Variants in DPP6 observed in about 807,000 individuals in gnomAD.
The protein encoded by DPP6 is dipeptidyl peptidase like 6, also known as A-type potassium channel modulatory protein DPP6.
Under a neutral mutation model 122.6 loss-of-function variants are expected in DPP6, and 69 were observed. The observed-to-expected ratio is 0.56, with a 90% confidence interval of 0.46 to 0.69. DPP6 has a LOEUF of 0.69. Ranked by LOEUF, DPP6 falls within the 30% of genes least tolerant of loss-of-function variation. DPP6 has a pLI of 0.00. For missense variants in DPP6, 928 were observed against 1,116.9 expected (o/e 0.83, Z 2.41); for synonymous variants, 418 against 433.1 (o/e 0.97, Z 0.43).
intron 1 of DPP6, among the ~76,000 whole-genome samples, chr7:153,892,973 AGGCAT>A (rs1348762233): frequency 7.9e-5 from 12 of 152,194 alleles, no homozygotes; most frequent in Non-Finnish European, 1.6e-4. Flanking sequence ...AACAGTAGCT[AGGCAT>A]GGGTCTGTTT....
At chr7:154,060,234 G>A (rs1801521830) in intron 1 of DPP6, among the ~76,000 whole-genome samples, 1 of 139,802 alleles carries the variant, frequency 7.2e-6, no homozygotes, top group Non-Finnish European at 1.6e-5. Context: ...TTGCTCTTAG[G>A]ATCCCCATCG....
chr7:154,259,273 C>T (rs1288988659), intron 1 of DPP6, among the ~76,000 whole-genome samples: 1 of 152,188 alleles, frequency 6.6e-6, no homozygotes, highest in Non-Finnish European at 1.5e-5. Flanking sequence ...TACATTGAAA[C>T]AAAGTCACAT....
chr7:154,151,046 C>T (rs1181181127), intron 1 of DPP6, among the ~76,000 whole-genome samples: 3 of 152,226 alleles, frequency 2.0e-5, no homozygotes, highest in Non-Finnish European at 4.4e-5. Context: ...CCCCTAGATT[C>T]CTACAGCGGA....
chr7:154,826,903 G>T (rs1014814176), intron 16 of DPP6, among the ~76,000 whole-genome samples: 6 of 152,058 alleles, frequency 3.9e-5, no homozygotes, highest in Admixed American at 6.6e-5. Flanking sequence ...ATGTTAGACA[G>T]CTGTCGAATG....
chr7:154,109,178 A>G (rs1157050655), intron 1 of DPP6, among the ~76,000 whole-genome samples: 1 of 152,294 alleles, frequency 6.6e-6, no homozygotes, highest in Non-Finnish European at 1.5e-5. Flanking sequence ...CAATTGAAAT[A>G]ATTTTTAAAA....
intron 1 of DPP6, among the ~76,000 whole-genome samples, chr7:153,986,807 A>G (rs1585134283): frequency 6.6e-6 from 1 of 152,082 alleles, no homozygotes; most frequent in South Asian, 2.1e-4. Flanking sequence ...AGTGATTTGT[A>G]AACTCTTGAA....
the DPP6 span, among the ~76,000 whole-genome samples, chr7:153,787,363 C>G: frequency 6.8e-6 from 1 of 148,136 alleles, no homozygotes; most frequent in African/African-American, 2.5e-5. Flanking sequence ...AGTATAATAT[C>G]TAAACCCTAA....
chr7:153,834,748 TAATA>T, the DPP6 span, among the ~76,000 whole-genome samples: 2 of 152,150 alleles, frequency 1.3e-5, no homozygotes, highest in South Asian at 2.1e-4. Flanking sequence ...AATAATTATT[TAATA>T]AATAAACAAT....
intron 1 of DPP6, among the ~76,000 whole-genome samples, chr7:154,135,900 T>C (rs962578405): frequency 2.6e-5 from 4 of 151,836 alleles, no homozygotes; most frequent in African/African-American, 9.7e-5. Flanking sequence ...ACACTTCTTA[T>C]GAGTATACAC....
chr7:154,540,895 T>C (rs1041511693), intron 4 of DPP6, among the ~76,000 whole-genome samples: 6 of 152,104 alleles, frequency 3.9e-5, no homozygotes, highest in African/African-American at 1.4e-4. Flanking sequence ...AAAGATAAAG[T>C]CCTAAGGCTT....
chr7:154,198,900 G>A (rs1014099296), intron 1 of DPP6, among the ~76,000 whole-genome samples: 3 of 152,130 alleles, frequency 2.0e-5, no homozygotes, highest in Non-Finnish European at 4.4e-5. Flanking sequence ...CAGTCCATCT[G>A]AACCCACAGC....
Position 154,403,964 on chromosome 7 carries a change from G to GA in DPP6, c.244-42244dup, listed in dbSNP as rs34268236. The stretch of plus-strand genomic sequence containing the variant: ...CTCACATTCACCTTTGTCTTTTGTT[G>GA]AAAAAAGTTAATCTTGTTTTCCAAA... On this transcript the variant is annotated intron_variant, in intron 1 of 25. Coordinates refer to ENST00000377770, the MANE Select transcript of DPP6 (RefSeq NM_130797.4). The surrounding 1 kb of genome is among the most constrained non-coding windows in gnomAD (Gnocchi z 4.1). Among the ~76,000 whole-genome samples the GA allele has an allele frequency of 2.6e-5, 4 of 152,156 alleles. No individual in the cohort carries two copies. The highest frequency in any genetic ancestry group is 4.8e-5 in the African/African-American group (2 of 41,448).
intron 1 of DPP6, among the ~76,000 whole-genome samples, chr7:154,017,043 C>T (rs1386622003): frequency 6.6e-6 from 1 of 152,218 alleles, no homozygotes; most frequent in Non-Finnish European, 1.5e-5. Context: ...TAGTGTTCCA[C>T]AGCACAGTAG....
intron 3 of DPP6, among the ~76,000 whole-genome samples, chr7:154,514,292 A>G (rs1826319884): frequency 6.6e-6 from 1 of 152,070 alleles, no homozygotes; most frequent in Admixed American, 6.6e-5. Flanking sequence ...AAAAAAATAA[A>G]TGGGTTAGAA....
chr7:154,210,050 C>T (rs1799658621), intron 1 of DPP6, among the ~76,000 whole-genome samples: 1 of 152,162 alleles, frequency 6.6e-6, no homozygotes. Context: ...GTTGGGAAAA[C>T]CTCATTACTC....
chr7:153,856,571 ATAAGT>A, the DPP6 span, among the ~76,000 whole-genome samples: 1 of 152,236 alleles, frequency 6.6e-6, no homozygotes, highest in African/African-American at 2.4e-5. Context: ...AAACATAACC[ATAAGT>A]TAAGAGGAAT....
intron 1 of DPP6, among the ~76,000 whole-genome samples, chr7:154,334,563 G>A (rs1585974540): frequency 1.3e-5 from 2 of 152,232 alleles, no homozygotes; most frequent in East Asian, 3.9e-4. Flanking sequence ...AACCCTGGTG[G>A]CGATCACTCT....
intron 1 of DPP6, among the ~76,000 whole-genome samples, chr7:154,018,810 G>C (rs1386827379): frequency 6.6e-6 from 1 of 152,146 alleles, no homozygotes; most frequent in Non-Finnish European, 1.5e-5. Flanking sequence ...CAGAAGAAGA[G>C]ACCCAGGGCC....
intron 6 of DPP6, among the ~76,000 whole-genome samples, chr7:154,661,091 C>G (rs1586832595): frequency 5.2e-4 from 1 of 1,936 alleles, no homozygotes; most frequent in African/African-American, 1.6e-3. Context: ...TGGTGAATCA[C>G]CATGGCGTAT....
Sources: gnomAD v4.1 joint callset for allele counts (sites outside exome capture counted in the v4.1 genomes callset) on GRCh38, gnomAD v4.1.1 for gene constraint, Gnocchi (gnomAD v3.1) non-coding constraint, MANE v1.5 for transcripts, NCBI Gene and HGNC (gene_info 2026-07-23, HGNC 2026-07-21) for gene names.